Variants in SLCO6A1 observed in about 807,000 individuals in gnomAD.
The protein encoded by SLCO6A1 is cancer/testis antigen 48.
A neutral mutation model predicts 72.7 loss-of-function variants in SLCO6A1; 65 were observed. The ratio of observed to expected loss-of-function variants is 0.89; its 90% CI spans 0.73 to 1.10. The LOEUF is 1.10. Among genes scored for constraint, SLCO6A1 ranks in the 50% least tolerant of loss-of-function variants. The pLI is 0.00. For synonymous variants in SLCO6A1, 314 were observed against 298.2 expected, an observed-to-expected ratio of 1.05 and a Z score of -0.55; for missense variants, 874 against 872.6, an observed-to-expected ratio of 1.00 and a Z score of -0.02.
intron 9 of SLCO6A1, among the ~76,000 whole-genome samples, chr5:102,408,742 A>ATATTGATTT (rs1019497922): frequency 3.5e-4 from 53 of 152,190 alleles, no homozygotes; most frequent in African/African-American, 1.3e-3. Context: ...GGTAAATAAA[A>ATATTGATTT]GTCAATATTG....
chr5:102,374,038 C>CTTTTT (rs11352231), intron 12 of SLCO6A1, among the ~76,000 whole-genome samples: 1 of 144,676 alleles, frequency 6.9e-6, no homozygotes. Context: ...TAAATTAATT[C>CTTTTT]TTTTTTTTTT....
intron 1 of SLCO6A1, among the ~76,000 whole-genome samples, chr5:102,481,181 G>A (rs1037022420): frequency 5.3e-5 from 8 of 152,136 alleles, no homozygotes; most frequent in African/African-American, 1.9e-4. Context: ...TGGTGCATAG[G>A]CTGCTGCTAC....
At chr5:102,395,992 G>T (rs1228530994) in intron 10 of SLCO6A1, among the ~76,000 whole-genome samples, 2 of 151,946 alleles carry the variant, frequency 1.3e-5, no homozygotes, top group African/African-American at 2.4e-5. Context: ...TCTGTAGGTT[G>T]CCTGTTCACT....
intron 1 of SLCO6A1, among the ~76,000 whole-genome samples, chr5:102,483,091 A>G (rs1752288333): frequency 6.6e-6 from 1 of 152,186 alleles, no homozygotes; most frequent in African/African-American, 2.4e-5. Context: ...AACAAGAGAT[A>G]GAATGGCTAG....
intron 8 of SLCO6A1, among the ~76,000 whole-genome samples, chr5:102,418,177 C>T (rs955703067): frequency 6.6e-6 from 1 of 151,600 alleles, no homozygotes; most frequent in African/African-American, 2.4e-5. Flanking sequence ...TATCTTTGGA[C>T]ATTTATACAT....
At chr5:102,411,639 T>C (rs921489597) in intron 9 of SLCO6A1, among the ~76,000 whole-genome samples, 1 of 150,938 alleles carries the variant, frequency 6.6e-6, no homozygotes, top group African/African-American at 2.4e-5. Context: ...ATCTAAGGGA[T>C]CTGGGGACTC....
chr5:102,489,085 T>G (rs1752562862), intron 1 of SLCO6A1, among the ~76,000 whole-genome samples: 1 of 152,244 alleles, frequency 6.6e-6, no homozygotes, highest in Non-Finnish European at 1.5e-5. Context: ...CTCCCCTTTA[T>G]TTTCTTTAAA....
At chr5:102,482,430 T>C (rs1175218600) in intron 1 of SLCO6A1, among the ~76,000 whole-genome samples, 1 of 152,194 alleles carries the variant, frequency 6.6e-6, no homozygotes, top group Non-Finnish European at 1.5e-5. Flanking sequence ...CTTCTTCTAC[T>C]ATTCACTCGC....
chr5:102,481,775 C>T (rs1752208340), intron 1 of SLCO6A1, among the ~76,000 whole-genome samples: 1 of 152,182 alleles, frequency 6.6e-6, no homozygotes, highest in African/African-American at 2.4e-5. Flanking sequence ...GGTACACAGT[C>T]TAATCAATCA....
chr5:102,406,692 C>A (rs1747687309), intron 9 of SLCO6A1, among the ~76,000 whole-genome samples: 1 of 151,716 alleles, frequency 6.6e-6, no homozygotes, highest in Non-Finnish European at 1.5e-5. Context: ...GTACAGGAGA[C>A]AAATGAATAA....
At chr5:102,403,727 A>C (rs1198817468) in intron 9 of SLCO6A1, among the ~76,000 whole-genome samples, 2 of 152,176 alleles carry the variant, frequency 1.3e-5, no homozygotes, top group African/African-American at 4.8e-5. Flanking sequence ...TATCCAAAAA[A>C]GGTGTAAATT....
intron 7 of SLCO6A1, among the ~76,000 whole-genome samples, chr5:102,427,862 ATATT>A (rs1748993853): frequency 1.1e-4 from 11 of 103,384 alleles, no homozygotes; most frequent in East Asian, 2.4e-4. Context: ...ATATATATAT[ATATT>A]TTTTTTTTTT....
At chr5:102,395,498 C>T (rs1747021843) in intron 10 of SLCO6A1, among the ~76,000 whole-genome samples, 1 of 152,162 alleles carries the variant, frequency 6.6e-6, no homozygotes. Context: ...CCACAGTAAA[C>T]ATACATGTGC....
intron 12 of SLCO6A1, among the ~76,000 whole-genome samples, chr5:102,387,201 G>A (rs1240804089): frequency 1.3e-5 from 2 of 152,120 alleles, no homozygotes; most frequent in East Asian, 3.9e-4. Flanking sequence ...AGAACACCAA[G>A]TGATTTTGAG....
At chr5:102,410,464 G>A (rs1451357075) in intron 9 of SLCO6A1, among the ~76,000 whole-genome samples, 5 of 152,158 alleles carry the variant, frequency 3.3e-5, no homozygotes, top group Non-Finnish European at 7.4e-5. Flanking sequence ...TCCCATTCAC[G>A]AAGACTAGCC....
intron 6 of SLCO6A1, among the ~76,000 whole-genome samples, chr5:102,454,582 C>T (rs1750601311): frequency 6.6e-6 from 1 of 151,788 alleles, no homozygotes; most frequent in African/African-American, 2.4e-5. Flanking sequence ...TGTTACCAGG[C>T]ATTATATGGT....
chr5:102,375,533 T>C (rs150348825), intron 12 of SLCO6A1, among the ~76,000 whole-genome samples: 143 of 152,246 alleles, frequency 9.4e-4, no homozygotes, highest in African/African-American at 3.3e-3. Flanking sequence ...AGCCAGGAAA[T>C]ACTATTTCCC....
intron 7 of SLCO6A1, among the ~76,000 whole-genome samples, chr5:102,435,042 C>T (rs936019142): frequency 6.6e-6 from 1 of 152,174 alleles, no homozygotes; most frequent in African/African-American, 2.4e-5. Context: ...ACTGGAGGTC[C>T]AGCTCCTCTT....
intron 4 of SLCO6A1, among the ~76,000 whole-genome samples, chr5:102,472,195 G>C (rs879879372): frequency 5.9e-5 from 9 of 152,046 alleles, no homozygotes; most frequent in Non-Finnish European, 1.0e-4. Flanking sequence ...TAAATTTAGA[G>C]AGGCAAACAA....
Sources: gnomAD v4.1 joint callset for allele counts (sites outside exome capture counted in the v4.1 genomes callset) on GRCh38, gnomAD v4.1.1 for gene constraint, MANE v1.5 for transcripts, NCBI Gene and HGNC (gene_info 2026-07-23, HGNC 2026-07-21) for gene names.